MXI1: variants seen among roughly 807,000 people sequenced by gnomAD.
MXI1 encodes max-interacting protein 1.
In MXI1, 18 loss-of-function variants were observed where a neutral mutation model predicts 36.9. The observed-to-expected ratio is 0.49, with a 90% confidence interval of 0.34 to 0.72. MXI1 has a LOEUF of 0.72. Ranked by LOEUF, MXI1 falls within the 30% of genes least tolerant of loss-of-function variation. The pLI is 0.01. For synonymous variants in MXI1, 160 were observed against 146.7 expected, an observed-to-expected ratio of 1.09 and a Z score of -0.65; for missense variants, 304 against 379.1, an observed-to-expected ratio of 0.80 and a Z score of 1.64.
At chr10:110,217,444 AG>A (rs1383821763) in intron 1 of MXI1, among the ~76,000 whole-genome samples, 7 of 152,294 alleles carry the variant, frequency 4.6e-5, no homozygotes, top group Admixed American at 3.3e-4. Flanking sequence ...GCTCTGGGCA[AG>A]TGAGAGCTGG....
At chr10:110,259,482 T>G (rs1856431157) in intron 3 of MXI1, among the ~76,000 whole-genome samples, 1 of 152,114 alleles carries the variant, frequency 6.6e-6, no homozygotes, top group Non-Finnish European at 1.5e-5. Context: ...TTGTAAATGC[T>G]GTGATAAATA....
intron 3 of MXI1, among the ~76,000 whole-genome samples, chr10:110,263,894 G>A (rs139606099): frequency 2.8e-4 from 42 of 152,310 alleles, no homozygotes; most frequent in Middle Eastern, 3.4e-3. Flanking sequence ...ATCTTGGACA[G>A]AGCCTTAGGA....
intron 3 of MXI1, 137 bp from the exon 4 acceptor site, chr10:110,279,043 G>A: frequency 4.8e-6 from 3 of 626,330 alleles, no homozygotes; most frequent in Non-Finnish European, 5.6e-6. Flanking sequence ...TACATTCTTT[G>A]ACAGTGGAGA....
chr10:110,227,596 A>T (rs111446990), intron 1 of MXI1: 43,807 of 859,500 alleles, frequency 0.051, 1,819 homozygotes, highest in Middle Eastern at 0.13. Flanking sequence ...GGTCAGGGGA[A>T]GGGACGAGGC....
chr10:110,226,316 C>T (rs201961858), intron 1 of MXI1: 99 of 1,463,402 alleles, frequency 6.8e-5, no homozygotes, highest in Admixed American at 2.3e-5. Context: ...TGAGCCCGAG[C>T]GCTACTAATC....
chr10:110,264,327 T>C (rs1856616066), intron 3 of MXI1, among the ~76,000 whole-genome samples: 1 of 152,166 alleles, frequency 6.6e-6, no homozygotes, highest in African/African-American at 2.4e-5. Context: ...GTTTAGCACA[T>C]TCTGATTTGC....
chr10:110,254,412 A>G (rs1856211449), intron 3 of MXI1, among the ~76,000 whole-genome samples: 1 of 152,096 alleles, frequency 6.6e-6, no homozygotes, highest in East Asian at 1.9e-4. Context: ...ATTGTCCCTG[A>G]GACACAGCTA....
At position 110,286,280 on chromosome 10, in the gene MXI1, CTAT is replaced by C. The variant is rs1190578801; in HGVS notation, c.*1295_*1297del. The C allele has an allele frequency of 6.6e-6, 1 of 152,526 alleles. No homozygotes were observed. Among genetic ancestry groups the C allele is most frequent in the Non-Finnish European group, 1.5e-5 (1 of 68,020 alleles). The allele number at this position is 152,526 out of a possible 1,614,324, so 9.4% of individuals were successfully genotyped here. ...TCCTCACAGTCCCACTGTGCAGGTG[CTAT>C]TGTTACTCTTACGAATATTTTCAGT... On this transcript the variant is annotated 3_prime_UTR_variant, in exon 6 of 6. Coordinates refer to ENST00000332674, the MANE Select transcript of MXI1 (RefSeq NM_130439.3).
At chr10:110,241,380 G>A (rs1855663128) in intron 2 of MXI1, among the ~76,000 whole-genome samples, 1 of 151,904 alleles carries the variant, frequency 6.6e-6, no homozygotes, top group Non-Finnish European at 1.5e-5. Context: ...CTTACACAGG[G>A]AATTTATCAT....
At chr10:110,248,411 CT>C (rs913923859) in intron 3 of MXI1, among the ~76,000 whole-genome samples, 61 of 152,190 alleles carry the variant, frequency 4.0e-4, no homozygotes, top group African/African-American at 1.3e-3. Flanking sequence ...CATTGATAAC[CT>C]TTTTAAAAAC....
intron 3 of MXI1, among the ~76,000 whole-genome samples, chr10:110,267,110 G>A (rs1856698357): frequency 6.6e-6 from 1 of 152,114 alleles, no homozygotes. Flanking sequence ...GGTACACTTA[G>A]ATTTCTTCAT....
chr10:110,283,790 T>TA (rs1857346245), intron 5 of MXI1, among the ~76,000 whole-genome samples: 1 of 151,836 alleles, frequency 6.6e-6, no homozygotes, highest in South Asian at 2.1e-4. Flanking sequence ...TTTTTTTTTT[T>TA]ATTTTTAAGA....
At chr10:110,238,371 A>T (rs112578741) in intron 2 of MXI1, among the ~76,000 whole-genome samples, 7,988 of 152,174 alleles carry the variant, frequency 0.052, 323 homozygotes, top group Middle Eastern at 0.15. Flanking sequence ...ATGAAGACAC[A>T]CCTAATTACT....
chr10:110,282,765 T>A (rs1272312614), intron 5 of MXI1, among the ~76,000 whole-genome samples: 3 of 152,220 alleles, frequency 2.0e-5, no homozygotes, highest in African/African-American at 7.2e-5. Flanking sequence ...GGGCTTTTAG[T>A]TAACATCTGT....
At chr10:110,219,201 G>A (rs113078195) in intron 1 of MXI1, among the ~76,000 whole-genome samples, 5,182 of 152,296 alleles carry the variant, frequency 0.034, 284 homozygotes, top group African/African-American at 0.11. Flanking sequence ...TTGGGAGGCT[G>A]AGGCAGGAGA....
chr10:110,265,664 C>A (rs922113674), intron 3 of MXI1, among the ~76,000 whole-genome samples: 8 of 152,106 alleles, frequency 5.3e-5, no homozygotes, highest in African/African-American at 1.9e-4. Flanking sequence ...GGATTATAGT[C>A]TAGGTAGAAG....
At chr10:110,275,398 C>T (rs984897325) in intron 3 of MXI1, among the ~76,000 whole-genome samples, 17 of 152,104 alleles carry the variant, frequency 1.1e-4, no homozygotes, top group African/African-American at 3.9e-4. Flanking sequence ...TGGTTACCAA[C>T]AGGGAGACTT....
chr10:110,221,543 A>T (rs952448310), intron 1 of MXI1, among the ~76,000 whole-genome samples: 1 of 152,216 alleles, frequency 6.6e-6, no homozygotes, highest in Admixed American at 6.5e-5. Context: ...GTCTTCTTGG[A>T]TCCAAGTTCA....
At chr10:110,218,543 C>T (rs1854715899) in intron 1 of MXI1, among the ~76,000 whole-genome samples, 1 of 152,130 alleles carries the variant, frequency 6.6e-6, no homozygotes. Context: ...CTTTTCTCCC[C>T]ACTCTTGCTA....
Sources: gnomAD v4.1 joint callset for allele counts (sites outside exome capture counted in the v4.1 genomes callset) on GRCh38, gnomAD v4.1.1 for gene constraint, MANE v1.5 for transcripts, NCBI Gene and HGNC (gene_info 2026-07-23, HGNC 2026-07-21) for gene names.